The following RNF130 variants were observed in gnomAD, a reference collection of about 807,000 sequenced individuals.
The protein encoded by RNF130 is ring finger protein 130.
A neutral mutation model predicts 44.6 loss-of-function variants in RNF130; 21 were observed. The observed-to-expected ratio is 0.47, with a 90% CI of 0.33 to 0.68. RNF130 has a LOEUF of 0.68. Ranked by LOEUF, RNF130 falls within the 30% of genes least tolerant of loss-of-function variation. RNF130 has a pLI of 0.02. For synonymous variants in RNF130, 214 were observed against 210.4 expected (o/e 1.02, Z -0.15); for missense variants, 479 against 560.6 (o/e 0.85, Z 1.47).
chr5:180,011,029 G>A (rs986472322), intron 3 of RNF130, among the ~76,000 whole-genome samples: 8 of 152,122 alleles, frequency 5.3e-5, no homozygotes, highest in Non-Finnish European at 1.0e-4. Context: ...TGAGTGAAGG[G>A]GATAAGAGAC....
intron 3 of RNF130, among the ~76,000 whole-genome samples, chr5:179,993,977 T>C (rs546042632): frequency 2.0e-5 from 3 of 152,354 alleles, no homozygotes; most frequent in Admixed American, 6.5e-5. Flanking sequence ...ATTTCTTAAA[T>C]AGGGAATCCT....
In RNF130 at chr5:180,057,024, T is replaced by A. The variant is rs975788659; in HGVS notation, c.247+14432A>T. 2.0e-5 allele frequency among the ~76,000 whole-genome samples: 3 copies of A among 152,230 alleles called. No individual in the cohort carries two copies. In the South Asian group the frequency reaches 6.2e-4, roughly 32 times the overall value. ...CCTAACACGTTAGTAATTTCCTGAG[T>A]GACAGGGGTGAGAGGAGCATGTTTT... On this transcript the variant is annotated intron_variant, in intron 1 of 8. Transcript: ENST00000521389.
exon 8 of RNF130, chr5:179,917,402 T>C (rs2113667331): frequency 6.6e-6 from 1 of 152,404 alleles, no homozygotes; most frequent in East Asian, 1.9e-4. Context: ...CCTCAGCCTC[T>C]TCCTTACTTC....
At chr5:179,944,143 A>G (rs1762004374) in intron 7 of RNF130, among the ~76,000 whole-genome samples, 1 of 148,548 alleles carries the variant, frequency 6.7e-6, no homozygotes, top group Admixed American at 6.6e-5. Flanking sequence ...AGCTTTTTGT[A>G]TTTTTAGTAG....
At chr5:180,010,013 T>C (rs1038386057) in intron 3 of RNF130, among the ~76,000 whole-genome samples, 15 of 152,060 alleles carry the variant, frequency 9.9e-5, no homozygotes, top group South Asian at 2.1e-4. Flanking sequence ...TTTGGGAGGC[T>C]GAGGTGGGCG....
At chr5:180,056,050 C>T (rs1435705031) in intron 1 of RNF130, among the ~76,000 whole-genome samples, 1 of 152,040 alleles carries the variant, frequency 6.6e-6, no homozygotes, top group African/African-American at 2.4e-5. Context: ...TGTCACCGTA[C>T]TCTGGCCTGG....
rs1441641620 is a variant in RNF130, at chr5:179,963,502, T to C, written c.1213A>G (p.Ile405Val). Residue 405 changes from isoleucine to valine, a missense_variant, in exon 8 of 9, where the codon ATC (isoleucine) becomes GTC (valine). Physicochemically the swap from Ile to Val is conservative, Grantham distance 29. Transcript: ENST00000521389. ...GCATTCAAGCTAGCTGTGGCTCTGA[T>C]GATCATGTAGCAGAGTGTGAGGGCA... ...LSALTLCYMI[I>V]RATASLNANE... 2 of 1,613,950 alleles carry C rather than the reference T, an allele frequency of 1.2e-6. No homozygotes were observed. Among genetic ancestry groups the C allele is most frequent in the Admixed American group, 1.7e-5 (1 of 60,004 alleles).
intron 5 of RNF130, among the ~76,000 whole-genome samples, chr5:179,972,446 T>A (rs1266515776): frequency 6.6e-6 from 1 of 152,188 alleles, no homozygotes; most frequent in Non-Finnish European, 1.5e-5. Context: ...CTTGGCTGAC[T>A]GACAGGTAAT....
intron 1 of RNF130, among the ~76,000 whole-genome samples, chr5:180,064,776 C>T (rs1765063655): frequency 1.3e-5 from 2 of 152,214 alleles, no homozygotes; most frequent in African/African-American, 2.4e-5. Context: ...GAGTCTCAAG[C>T]TTTCTGCTCT....
intron 3 of RNF130, among the ~76,000 whole-genome samples, chr5:180,007,988 GTT>G (rs371751598): frequency 2.8e-4 from 36 of 129,858 alleles, no homozygotes; most frequent in African/African-American, 1.0e-3. Context: ...AAATCTTTTA[GTT>G]TTTTTTTTTT....
intron 2 of RNF130, among the ~76,000 whole-genome samples, chr5:180,023,007 T>C (rs552508204): frequency 6.6e-6 from 1 of 152,330 alleles, no homozygotes; most frequent in African/African-American, 2.4e-5. Flanking sequence ...AAATCTGTTA[T>C]TTACATTAAA....
intron 7 of RNF130, among the ~76,000 whole-genome samples, chr5:179,932,044 C>T (rs1166057757): frequency 6.6e-5 from 10 of 152,112 alleles, no homozygotes; most frequent in Non-Finnish European, 1.5e-5. Flanking sequence ...TAATTTCCAT[C>T]TCTTGCAATA....
intron 2 of RNF130, chr5:180,015,430 G>A (rs1375639927): frequency 2.0e-6 from 1 of 492,484 alleles, no homozygotes; most frequent in African/African-American, 2.0e-5. Flanking sequence ...GCTCCCTCTT[G>A]AAGACTCAAG....
chr5:179,963,880 G>A, intron 7 of RNF130: 1 of 299,034 alleles, frequency 3.3e-6, no homozygotes, highest in Non-Finnish European at 6.3e-6. Flanking sequence ...CAAGGACATA[G>A]ATTTTTTTCA....
intron 2 of RNF130, among the ~76,000 whole-genome samples, chr5:180,028,625 G>C (rs970342331): frequency 6.6e-6 from 1 of 152,178 alleles, no homozygotes; most frequent in Non-Finnish European, 1.5e-5. Flanking sequence ...GTTATGCACT[G>C]AGTGGTTCCC....
intron 1 of RNF130, among the ~76,000 whole-genome samples, chr5:180,057,800 A>C (rs973995338): frequency 6.6e-6 from 1 of 152,186 alleles, no homozygotes; most frequent in Non-Finnish European, 1.5e-5. Context: ...CCTGAGTTCT[A>C]TGAGCTGTTA....
chr5:179,999,372 T>C (rs947141676), intron 3 of RNF130, among the ~76,000 whole-genome samples: 1 of 152,210 alleles, frequency 6.6e-6, no homozygotes, highest in African/African-American at 2.4e-5. Flanking sequence ...TATTTCCCTT[T>C]GCATGGAATA....
chr5:179,948,956 G>C (rs1762085343), intron 7 of RNF130, among the ~76,000 whole-genome samples: 1 of 150,176 alleles, frequency 6.7e-6, no homozygotes, highest in South Asian at 2.1e-4. Context: ...TGCTTCCTTG[G>C]AATAATTTTT....
chr5:180,038,874 T>C (rs1353623171), intron 2 of RNF130, among the ~76,000 whole-genome samples: 2 of 152,252 alleles, frequency 1.3e-5, no homozygotes, highest in East Asian at 1.9e-4. Context: ...TATTCATTTT[T>C]CTTCATGTTT....
Sources: allele counts gnomAD v4.1 joint callset (sites outside exome capture counted in the v4.1 genomes callset), GRCh38; gene constraint gnomAD v4.1.1; transcripts MANE v1.5; gene names NCBI Gene and HGNC (gene_info 2026-07-23, HGNC 2026-07-21).